The following GID4 variants were observed in gnomAD, a reference collection of about 807,000 sequenced individuals.
GID4 encodes glucose-induced degradation protein 4 homolog.
A neutral mutation model predicts 32.4 loss-of-function variants in GID4; 7 were observed. The ratio of observed to expected loss-of-function variants is 0.22; its 90% CI spans 0.12 to 0.41. The LOEUF (loss-of-function observed/expected upper bound fraction) is 0.41, where lower values mean the gene tolerates loss of function less well. GID4 is among the 10% of genes least tolerant of loss of function. The pLI is 1.00. For missense variants in GID4, 309 were observed against 400.0 expected (o/e 0.77, Z 1.94); for synonymous variants, 166 against 170.0 (o/e 0.98, Z 0.18).
At chr17:18,051,505 G>A (rs1432402752) in intron 2 of GID4, among the ~76,000 whole-genome samples, 3 of 150,796 alleles carry the variant, frequency 2.0e-5, no homozygotes, top group Admixed American at 1.3e-4. Context: ...GGTGAAACCC[G>A]TCTCTACTGA....
intron 5 of GID4, among the ~76,000 whole-genome samples, chr17:18,063,781 C>G (rs573762122): frequency 1.3e-5 from 2 of 152,194 alleles, no homozygotes; most frequent in East Asian, 3.9e-4. Flanking sequence ...TCGCTCTTGT[C>G]CCCCAGGCTG....
chr17:18,050,153 TTTTTAC>T (rs1452088068), intron 2 of GID4, among the ~76,000 whole-genome samples: 1 of 152,240 alleles, frequency 6.6e-6, no homozygotes, highest in African/African-American at 2.4e-5. Flanking sequence ...GTTGACCCAC[TTTTTAC>T]TATTGTGAAT....
Position 18,067,587 on chromosome 17 carries a change from T to G in GID4, c.*2344T>G, listed in dbSNP as rs1324315953. On this transcript the variant is annotated 3_prime_UTR_variant, in exon 6 of 6. Transcript: ENST00000268719. ...GGATTAAGGATTTTTCCACCTCCTC[T>G]TAGTAACTCCTGAATTACCAACATC... The G allele has an allele frequency of 6.6e-6, 1 of 152,642 alleles. No homozygotes were observed. The highest frequency in any genetic ancestry group is 1.5e-5 in the Non-Finnish European group (1 of 68,038). 9.5% of individuals were successfully genotyped at this position (152,642 alleles called of 1,614,324 possible).
intron 2 of GID4, among the ~76,000 whole-genome samples, chr17:18,052,789 G>A (rs1278301428): frequency 6.6e-6 from 1 of 152,130 alleles, no homozygotes; most frequent in African/African-American, 2.4e-5. Context: ...GTTTTCCACG[G>A]TGTGGTTTTT....
In GID4 at chr17:18,061,814, T is replaced by C. The variant is rs747699974; in HGVS notation, c.709-31T>C. ...CCCCGTGGGTGGTCAGAGAATGCTA[T>C]CTGTTACTGACCCTCTTCATCTGTG... On this transcript the variant is annotated intron_variant, in intron 4 of 5. Transcript: ENST00000268719. This position sits in a 1 kb window ranked among gnomAD's most constrained non-coding sequence, Gnocchi z 4.4. 1 of 1,612,736 alleles carries C rather than the reference T, an allele frequency of 6.2e-7. No individual in the cohort carries two copies. Among genetic ancestry groups the C allele is most frequent in the African/African-American group, 1.3e-5 (1 of 75,020 alleles).
Position 18,040,741 on chromosome 17 carries a change from C to A in GID4, c.438+839C>A, listed in dbSNP as rs74375119. Among the ~76,000 whole-genome samples the A allele has an allele frequency of 9.8e-3, 1,494 of 152,310 alleles. 16 individuals carry two copies. Among genetic ancestry groups the A allele is most frequent in the African/African-American group, 0.034 (1,401 of 41,560 alleles). On this transcript the variant is annotated intron_variant, in intron 1 of 5. Transcript: ENST00000268719. ...CCTTCGTCTTGCTCGATCCTGGTTCCAGGGGACCCTCTTTCCTGTTCTTAA... is the reference window on the plus strand; with the variant it reads ...CCTTCGTCTTGCTCGATCCTGGTTCAAGGGGACCCTCTTTCCTGTTCTTAA...
At chr17:18,046,921 T>C (rs1159037520) in intron 2 of GID4, among the ~76,000 whole-genome samples, 2 of 39,592 alleles carry the variant, frequency 5.1e-5, no homozygotes, top group Non-Finnish European at 5.3e-5. Context: ...AAACTTTGTC[T>C]CAAAAAAAAA....
intron 2 of GID4, among the ~76,000 whole-genome samples, chr17:18,053,101 C>T (rs538938702): frequency 4.4e-4 from 65 of 147,722 alleles, no homozygotes; most frequent in African/African-American, 6.4e-4. Context: ...CTGCAAACTC[C>T]GCCTCCAGGT....
rs1433963491 is a variant in GID4 at position 18,066,350 on chromosome 17, AG to A, written c.*1111del. The stretch of plus-strand genomic sequence containing the variant: ...TGGCGGCAGCCTTCCATGAGGCAGA[AG>A]GGGTCGTCGTTCTCTGAAAACAGTG... On this transcript the variant is annotated 3_prime_UTR_variant, in exon 6 of 6. Coordinates refer to ENST00000268719, the MANE Select transcript of GID4 (RefSeq NM_024052.5). 6.6e-6 allele frequency: 1 copy of A among 152,390 alleles called. No individual in the cohort carries two copies. The highest frequency in any genetic ancestry group is 2.4e-5 in the African/African-American group (1 of 41,322). 9.4% of individuals were successfully genotyped at this position (152,390 alleles called of 1,614,324 possible). A position where few individuals can be genotyped will look rare whatever the true frequency, so the allele number is the denominator to read the frequency against.
At chr17:18,051,454 G>A (rs1017938039) in intron 2 of GID4, among the ~76,000 whole-genome samples, 1 of 152,054 alleles carries the variant, frequency 6.6e-6, no homozygotes, top group Non-Finnish European at 1.5e-5. Flanking sequence ...CGAGGCAGGT[G>A]GATCACGAGG....
intron 2 of GID4, among the ~76,000 whole-genome samples, chr17:18,045,516 T>C (rs1465200298): frequency 1.3e-5 from 2 of 152,198 alleles, no homozygotes; most frequent in African/African-American, 4.8e-5. Context: ...ACCCTCATCA[T>C]AAGTTTAACA....
At chr17:18,057,878 T>C (rs963586146) in intron 3 of GID4, among the ~76,000 whole-genome samples, 3 of 152,032 alleles carry the variant, frequency 2.0e-5, no homozygotes, top group East Asian at 1.9e-4. Flanking sequence ...CTGTTGCCCA[T>C]GCTGGAGTGC....
At chr17:18,064,984 G>T (rs1021506497) in intron 5 of GID4, among the ~76,000 whole-genome samples, 196 bp from the exon 6 acceptor site, 2 of 152,142 alleles carry the variant, frequency 1.3e-5, no homozygotes, top group African/African-American at 4.8e-5. Context: ...CTAGTGCATG[G>T]TTCAGGAGGA....
At chr17:18,047,174 T>C (rs1328777383) in intron 2 of GID4, among the ~76,000 whole-genome samples, 2 of 152,200 alleles carry the variant, frequency 1.3e-5, no homozygotes, top group Non-Finnish European at 2.9e-5. Context: ...CAAAGGTATT[T>C]CTTCTTTAAC....
At position 18,061,904 on chromosome 17, in the gene GID4, G is replaced by T; in HGVS notation, c.768G>T (p.Gly256=). 1.9e-6 allele frequency: 3 copies of T among 1,613,968 alleles called. No homozygotes were observed. The highest frequency in any genetic ancestry group is 2.5e-6 in the Non-Finnish European group (3 of 1,179,928). The part of the protein sequence containing the change: ...IKDISGASFA[G]FYYICFQKSA... Reference sequence around the variant, plus strand: ...ACATCAGTGGTGCTTCTTTTGCCGGGTTCTACTACATCTGCTTTCAGAAGT... The same window carrying T: ...ACATCAGTGGTGCTTCTTTTGCCGGTTTCTACTACATCTGCTTTCAGAAGT... Residue 256 remains glycine (G), a synonymous_variant, in exon 5 of 6, where the codon GGG becomes GGT. Coordinates refer to ENST00000268719, the MANE Select transcript of GID4 (RefSeq NM_024052.5). This position sits in a 1 kb window ranked among gnomAD's most constrained non-coding sequence, Gnocchi z 4.4.
intron 2 of GID4, among the ~76,000 whole-genome samples, chr17:18,053,004 AT>A (rs1476652062): frequency 4.6e-5 from 3 of 64,862 alleles, no homozygotes; most frequent in African/African-American, 1.7e-4. Context: ...TGAAAAAAGT[AT>A]TTACTTTTTT....
At chr17:18,050,378 A>G (rs866880915) in intron 2 of GID4, among the ~76,000 whole-genome samples, 1 of 152,234 alleles carries the variant, frequency 6.6e-6, no homozygotes, top group African/African-American at 2.4e-5. Flanking sequence ...AATAAATATG[A>G]AATAACATTC....
chr17:18,045,095 TC>T, intron 1 of GID4, 51 bp from the exon 2 acceptor site: 2 of 1,436,044 alleles, frequency 1.4e-6, no homozygotes, highest in Non-Finnish European at 2.0e-6. Flanking sequence ...CTCCTGCATG[TC>T]CCCTAGTAAG....
intron 4 of GID4, among the ~76,000 whole-genome samples, chr17:18,060,291 G>A (rs1175803381): frequency 2.0e-5 from 3 of 149,820 alleles, no homozygotes; most frequent in Non-Finnish European, 4.4e-5. Context: ...CCAGCTACTC[G>A]GGAGGCTGAG....
Sources: gnomAD v4.1 joint callset for allele counts (sites outside exome capture counted in the v4.1 genomes callset) on GRCh38, gnomAD v4.1.1 for gene constraint, Gnocchi (gnomAD v3.1) non-coding constraint, MANE v1.5 for transcripts, NCBI Gene and HGNC (gene_info 2026-07-23, HGNC 2026-07-21) for gene names.